The following PCSK6 variants were observed in gnomAD, a reference collection of about 807,000 sequenced individuals.
PCSK6 encodes proprotein convertase subtilisin/kexin type 6.
Under a neutral mutation model 123.3 loss-of-function variants are expected in PCSK6, and 85 were observed. The observed-to-expected ratio is 0.69, with a 90% CI of 0.58 to 0.83. The LOEUF (loss-of-function observed/expected upper bound fraction) is 0.83. PCSK6 is among the 40% of genes least tolerant of loss of function. The pLI is 0.00. For synonymous variants in PCSK6, 508 were observed against 516.0 expected, an observed-to-expected ratio of 0.98 and a Z score of 0.21; for missense variants, 1,191 against 1,282.3, an observed-to-expected ratio of 0.93 and a Z score of 1.09.
chr15:101,474,135 C>T (rs963940976), intron 1 of PCSK6, among the ~76,000 whole-genome samples: 1 of 152,068 alleles, frequency 6.6e-6, no homozygotes, highest in African/African-American at 2.4e-5. Flanking sequence ...AGAAATTGGG[C>T]TTTATCAAGA....
chr15:101,452,911 G>A (rs368268521), intron 1 of PCSK6, among the ~76,000 whole-genome samples: 10 of 152,186 alleles, frequency 6.6e-5, no homozygotes, highest in East Asian at 3.8e-4. Context: ...TGGCGGGGCC[G>A]GGGTCACCAG....
Position 101,412,691 on chromosome 15 carries a change from T to TTATATATA in PCSK6, c.824-14123_824-14116dup, listed in dbSNP as rs149902723. On this transcript the variant is annotated intron_variant, in intron 6 of 21. Coordinates refer to ENST00000611716, the MANE Select transcript of PCSK6 (RefSeq NM_002570.5). ...ACAGAAGAAAGAGTGAACTGGAAAA[T>TTATATATA]TATATATATATATATATATATAAAA... is the stretch of plus-strand genomic sequence containing the variant. Among the ~76,000 whole-genome samples, 299 of 124,738 alleles carry TTATATATA rather than the reference T, an allele frequency of 2.4e-3. 10 individuals carry two copies. Among genetic ancestry groups the TTATATATA allele is most frequent in the African/African-American group, 9.0e-3 (260 of 28,946 alleles). The allele number at this position is 124,738 out of a possible 152,430, so 81.8% of individuals were successfully genotyped here.
chr15:101,449,774 C>T (rs1207152475), intron 1 of PCSK6, among the ~76,000 whole-genome samples: 3 of 152,114 alleles, frequency 2.0e-5, no homozygotes, highest in African/African-American at 7.2e-5. Flanking sequence ...GCATGAGATA[C>T]CGAGAAGACA....
In PCSK6 at chr15:101,393,338, G is replaced by C. The variant is rs1346671495; in HGVS notation, c.1083C>G (p.Thr361=). The C allele has an allele frequency of 6.2e-7, 1 of 1,610,384 alleles. No homozygotes were observed. The highest frequency in any genetic ancestry group is 1.1e-5 in the South Asian group (1 of 90,866). ...EGDYCSCDGY[T]NSIYTISVSS... Reference sequence around the variant, plus strand: ...TGACGGAGATGGTGTAGATGCTGTTGGTGTAGCCATCGCACGAGCAGTAGT... The same window carrying C: ...TGACGGAGATGGTGTAGATGCTGTTCGTGTAGCCATCGCACGAGCAGTAGT... The change falls in exon 8 of 22, where the codon ACC becomes ACG. Residue 361 remains threonine, a synonymous_variant. Transcript: ENST00000611716.
intron 12 of PCSK6, among the ~76,000 whole-genome samples, chr15:101,369,270 CTG>C (rs982804917): frequency 6.6e-6 from 1 of 152,254 alleles, no homozygotes; most frequent in African/African-American, 2.4e-5. Context: ...GTCAATTACC[CTG>C]TCTCATACAA....
Position 101,378,496 on chromosome 15 carries a change from T to G in PCSK6, c.1532+3596A>C, listed in dbSNP as rs115237329. Among the ~76,000 whole-genome samples, 1,097 of 152,362 alleles carry G rather than the reference T, an allele frequency of 7.2e-3. 17 individuals are homozygous for G. The highest frequency in any genetic ancestry group is 0.025 in the African/African-American group (1,051 of 41,596). On this transcript the variant is annotated intron_variant, in intron 11 of 21. Transcript: ENST00000611716. ...TTTAGCATTTCCTGAAAGCCTATGA[T>G]GGGCCCTACCCCGTGTGGGCTCCTG...
intron 6 of PCSK6, among the ~76,000 whole-genome samples, chr15:101,421,651 G>A (rs2141089622): frequency 6.6e-6 from 1 of 152,296 alleles, no homozygotes; most frequent in African/African-American, 2.4e-5. Flanking sequence ...AGCCCCATAA[G>A]TAACCCATCT....
At position 101,431,464 on chromosome 15, in the gene PCSK6, C is replaced by T; in HGVS notation, c.514-1G>A. 6.2e-7 allele frequency: 1 copy of T among 1,613,614 alleles called. No individual in the cohort carries two copies. The highest frequency in any genetic ancestry group is 8.5e-7 in the Non-Finnish European group (1 of 1,179,792). ...AGCGACTGTTCTTGTCGCCACAATG[C>T]TGTAAGCACGAAAGACACAAAGTCC... On this transcript the variant is annotated splice_acceptor_variant, in intron 3 of 21. Coordinates refer to ENST00000611716, the MANE Select transcript of PCSK6 (RefSeq NM_002570.5). LOFTEE classifies it high-confidence loss of function.
chr15:101,457,536 G>A (rs575599675), intron 1 of PCSK6, among the ~76,000 whole-genome samples: 2 of 152,360 alleles, frequency 1.3e-5, no homozygotes, highest in African/African-American at 4.8e-5. Context: ...CTTTGTGGGG[G>A]GAAGTGCATT....
At chr15:101,430,298 C>T (rs954956384) in intron 4 of PCSK6, among the ~76,000 whole-genome samples, 1 of 152,058 alleles carries the variant, frequency 6.6e-6, no homozygotes, top group Admixed American at 6.5e-5. Flanking sequence ...TTGAGGCCAT[C>T]GCTGCTACCC....
rs748810644 is a variant in PCSK6 at position 101,366,215 on chromosome 15, G to C, written c.1839C>G (p.Val613=). 6.2e-7 allele frequency: 1 copy of C among 1,612,890 alleles called. No homozygotes were observed. Among genetic ancestry groups the C allele is most frequent in the South Asian group, 1.1e-5 (1 of 90,870 alleles). Residue 613 remains valine, a synonymous_variant, in exon 13 of 22, where the codon GTC becomes GTG. Transcript: ENST00000611716. ...ACTGACCTTGCTTCTCCGGGTTGCG[G>C]ACCTGGGATGGCAGATCTTGGATTT... ...TLEIQDLPSQ[V]RNPEKQGKLK...
chr15:101,374,687 T>C (rs2041682746), intron 11 of PCSK6, among the ~76,000 whole-genome samples: 1 of 152,186 alleles, frequency 6.6e-6, no homozygotes, highest in Non-Finnish European at 1.5e-5. Flanking sequence ...GGAAACCCTT[T>C]CACAGACCCG....
chr15:101,356,422 G>C (rs1402975010), intron 13 of PCSK6, among the ~76,000 whole-genome samples: 2 of 151,456 alleles, frequency 1.3e-5, no homozygotes, highest in African/African-American at 2.4e-5. Flanking sequence ...CACTTTCGGA[G>C]GCCGAGGTGG....
intron 15 of PCSK6, among the ~76,000 whole-genome samples, chr15:101,331,412 A>G (rs1012902515): frequency 9.2e-5 from 14 of 152,048 alleles, no homozygotes; most frequent in African/African-American, 2.4e-4. Context: ...CTTGAACCCA[A>G]CCTTCCTGGA....
intron 13 of PCSK6, among the ~76,000 whole-genome samples, chr15:101,344,131 G>A (rs547687216): frequency 2.0e-5 from 3 of 152,076 alleles, no homozygotes; most frequent in Non-Finnish European, 4.4e-5. Flanking sequence ...GTTTGGCACA[G>A]TGTTCCAATA....
At chr15:101,409,997 A>T (rs748296242) in intron 6 of PCSK6, among the ~76,000 whole-genome samples, 1 of 152,108 alleles carries the variant, frequency 6.6e-6, no homozygotes, top group East Asian at 1.9e-4. Flanking sequence ...CAGTGCCACA[A>T]TCATTGCTCA....
chr15:101,445,517 G>A (rs2056866021), intron 1 of PCSK6, among the ~76,000 whole-genome samples: 1 of 152,118 alleles, frequency 6.6e-6, no homozygotes, highest in Non-Finnish European at 1.5e-5. Flanking sequence ...TTGCTCACAA[G>A]CACTTTTATT....
chr15:101,473,743 T>C (rs886638755), intron 1 of PCSK6, among the ~76,000 whole-genome samples: 1 of 152,210 alleles, frequency 6.6e-6, no homozygotes, highest in Non-Finnish European at 1.5e-5. Context: ...CTGGAGGTGG[T>C]GGCGTGCGCC....
chr15:101,468,063 T>C (rs531862319), intron 1 of PCSK6, among the ~76,000 whole-genome samples: 25 of 152,338 alleles, frequency 1.6e-4, no homozygotes, highest in African/African-American at 5.5e-4. Flanking sequence ...ATGTTAAACA[T>C]GTTTCAAAAA....
Sources: allele counts gnomAD v4.1 joint callset (sites outside exome capture counted in the v4.1 genomes callset), GRCh38; gene constraint gnomAD v4.1.1; transcripts MANE v1.5; gene names NCBI Gene and HGNC (gene_info 2026-07-23, HGNC 2026-07-21).